The following ZFYVE26 variants were observed in gnomAD, a reference collection of about 807,000 sequenced individuals.
ZFYVE26 encodes zinc finger FYVE-type containing 26.
Under a neutral mutation model 276.5 loss-of-function variants are expected in ZFYVE26, and 181 were observed. The ratio of observed to expected loss-of-function variants is 0.65; its 90% CI spans 0.58 to 0.74. ZFYVE26 has a LOEUF of 0.74. ZFYVE26 is among the 30% of genes least tolerant of loss of function. The pLI is 0.00. For missense variants in ZFYVE26, 2,821 were observed against 3,097.9 expected (o/e 0.91, Z 2.12); for synonymous variants, 1,129 against 1,203.1 (o/e 0.94, Z 1.27).
intron 5 of ZFYVE26, 45 bp downstream of exon 5, chr14:67,807,353 A>C (rs1566897797): frequency 6.2e-7 from 1 of 1,611,768 alleles, no homozygotes; most frequent in Non-Finnish European, 8.5e-7. Flanking sequence ...GGCTGGGCAT[A>C]CTGGAATTAC....
In ZFYVE26 at chr14:67,792,913, C is replaced by CAAAAAAA. The variant is rs34041446; in HGVS notation, c.2553+688_2553+694dup. 2.5e-4 allele frequency among the ~76,000 whole-genome samples: 14 copies of CAAAAAAA among 56,762 alleles called. 1 individual carries two copies. The highest frequency in any genetic ancestry group is 1.6e-3 in the South Asian group (2 of 1,262). The allele number at this position is 56,762 out of a possible 152,430, so 37.2% of individuals were successfully genotyped here. A position where few individuals can be genotyped will look rare whatever the true frequency, so the allele number is the denominator to read the frequency against. ...CTGGGTGACAAAAGCAAATCTGTCT[C>CAAAAAAA]AAAAAAAAAAAAAAAAAAAAAGAAA... On this transcript the variant is annotated intron_variant, in intron 14 of 41. Coordinates refer to ENST00000347230, the MANE Select transcript of ZFYVE26 (RefSeq NM_015346.4).
At position 67,802,404 on chromosome 14, in the gene ZFYVE26, C is replaced by T. The variant is rs563747995; in HGVS notation, c.1436-122G>A. The T allele has an allele frequency of 1.3e-5, 13 of 980,814 alleles. No homozygotes were observed. In the African/African-American group the frequency reaches 1.4e-4, roughly 11 times the overall value. 60.8% of individuals were successfully genotyped at this position (980,814 alleles called of 1,614,324 possible). ...CCACTTGTAGGTTCTTACCCTCTCTCCTTTCTGTCGGTCTGATCTGTGTCA... is the reference window on the plus strand; with the variant it reads ...CCACTTGTAGGTTCTTACCCTCTCTTCTTTCTGTCGGTCTGATCTGTGTCA... On this transcript the variant is annotated intron_variant, in intron 9 of 41. Transcript: ENST00000347230.
downstream of ZFYVE26, among the ~76,000 whole-genome samples, chr14:67,746,139 A>G (rs1178243760): frequency 6.6e-6 from 1 of 152,078 alleles, no homozygotes; most frequent in Non-Finnish European, 1.5e-5. Flanking sequence ...TTCACAGTGG[A>G]ACACTTTAGT....
chr14:67,781,283 A>G, intron 22 of ZFYVE26, 50 bp downstream of exon 22: 1 of 1,601,188 alleles, frequency 6.2e-7, no homozygotes, highest in Non-Finnish European at 8.5e-7. Context: ...GTTGGGGTTG[A>G]TCATAGAGTG....
rs776617186 is a variant in ZFYVE26 at position 67,790,783 on chromosome 14, G to C, written c.2554-10C>G. On this transcript the variant is annotated splice_polypyrimidine_tract_variant and intron_variant, in intron 14 of 41. Coordinates refer to ENST00000347230, the MANE Select transcript of ZFYVE26 (RefSeq NM_015346.4). Reference sequence around the variant, plus strand: ...TGAACGTGAACAGCACCTGTCATAGGAGAGGGAGTGTGTGGGCCCTGGTGG... The same window carrying C: ...TGAACGTGAACAGCACCTGTCATAGCAGAGGGAGTGTGTGGGCCCTGGTGG... The C allele has an allele frequency of 1.2e-6, 2 of 1,613,484 alleles. No homozygotes were observed. The highest frequency in any genetic ancestry group is 1.7e-6 in the Non-Finnish European group (2 of 1,179,570).
At chr14:67,802,651 G>A (rs538836465) in intron 9 of ZFYVE26, among the ~76,000 whole-genome samples, 1 of 151,980 alleles carries the variant, frequency 6.6e-6, no homozygotes, top group East Asian at 1.9e-4. Flanking sequence ...TTGCCTTTTT[G>A]AAGTGTGCCC....
chr14:67,804,034 T>G, intron 9 of ZFYVE26, 67 bp downstream of exon 9: 1 of 1,597,846 alleles, frequency 6.3e-7, no homozygotes, highest in Non-Finnish European at 8.6e-7. Context: ...ATAAATCTCA[T>G]GCTGGAAGAA....
chr14:67,785,085 A>T lies in ZFYVE26; in HGVS notation c.3497T>A (p.Leu1166His). The change falls in exon 19 of 42, where the codon CTC becomes CAC. Residue 1166 changes from leucine to histidine, a missense_variant. Transcript: ENST00000347230. ...AGGCTCAGAGCTCAAACTTTGAAGG[A>T]GAACTGCAGCAAGGGTGCTGCAGTA... The part of the protein sequence containing the change: ...FSYCSTLAAV[L>H]LQSLSSEPDH... 1.9e-6 allele frequency: 3 copies of T among 1,614,232 alleles called. No homozygotes were observed. The highest frequency in any genetic ancestry group is 2.5e-6 in the Non-Finnish European group (3 of 1,180,040).
At chr14:67,776,195 C>T in intron 25 of ZFYVE26, 89 bp from the exon 26 acceptor site, 2 of 1,581,746 alleles carry the variant, frequency 1.3e-6, no homozygotes, top group Non-Finnish European at 1.7e-6. Context: ...GGGAAGGGTG[C>T]ATGAGAACAA....
chr14:67,793,809 G>T, intron 13 of ZFYVE26, 50 bp from the exon 14 acceptor site: 3 of 1,611,636 alleles, frequency 1.9e-6, no homozygotes, highest in Non-Finnish European at 1.7e-6. Flanking sequence ...AGGAATTAAG[G>T]AAATGCTATA....
chr14:67,793,470 T>A, intron 14 of ZFYVE26, 138 bp downstream of exon 14: 1 of 962,350 alleles, frequency 1.0e-6, no homozygotes, highest in South Asian at 1.4e-5. Flanking sequence ...CCTGGGCACA[T>A]GGAAACCCCC....
intron 34 of ZFYVE26, 35 bp downstream of exon 34, chr14:67,762,168 C>T (rs1335939553): frequency 1.9e-6 from 3 of 1,607,722 alleles, no homozygotes; most frequent in Non-Finnish European, 2.6e-6. Flanking sequence ...GGGTCTCCCT[C>T]CCTGAGCCAG....
chr14:67,753,740 T>A lies in ZFYVE26; in HGVS notation c.7155A>T (p.Glu2385Asp). The A allele has an allele frequency of 6.2e-7, 1 of 1,613,686 alleles. No homozygotes were observed. Among genetic ancestry groups the A allele is most frequent in the Non-Finnish European group, 8.5e-7 (1 of 1,179,862 alleles). ...CACGGAAAGCAATTCCAAAACCATC[T>A]TCTACATTTTTCCCTCCCAGCATGA... ...CKVMLGGKNV[E>D]DGFGIAFRVL... Residue 2385 changes from glutamate (E) to aspartate (D), a missense_variant, in exon 39 of 42, where the codon GAA (glutamate) becomes GAT (aspartate). By Grantham distance (45) the Glu-to-Asp change is conservative. Transcript: ENST00000347230.
chr14:67,815,386 G>T, intron 2 of ZFYVE26: 1 of 267,864 alleles, frequency 3.7e-6, no homozygotes, highest in East Asian at 8.6e-5. Flanking sequence ...CAATTATTTC[G>T]AAATAAAAAG....
intron 29 of ZFYVE26, among the ~76,000 whole-genome samples, chr14:67,768,990 CT>C (rs1768188698): frequency 1.3e-5 from 2 of 152,160 alleles, no homozygotes; most frequent in Non-Finnish European, 2.9e-5. Flanking sequence ...TTCCTAGATG[CT>C]CTAGGAGTCT....
chr14:67,739,132 G>A (rs534358056), intron 13 of ZFYVE26, among the ~76,000 whole-genome samples: 1 of 152,242 alleles, frequency 6.6e-6, no homozygotes, highest in Non-Finnish European at 1.5e-5. Context: ...GAGCCTCTTT[G>A]GTAGCTTCTA....
rs1181510895 is a variant in ZFYVE26 at position 67,807,697 on chromosome 14, A to G, written c.587T>C (p.Leu196Pro). ...HWPLQNALVD[L>P]IRKALRALQG... is the part of the protein sequence containing the mutation. The stretch of plus-strand genomic sequence containing the variant: ...CAAAGCCCGCAATGCCTTTCGAATG[A>G]GGTCCACCAGTGCATTCTGCAGAGG... The change falls in exon 5 of 42, where the codon CTC becomes CCC. Residue 196 changes from leucine to proline, a missense_variant. Transcript: ENST00000347230. 5.6e-6 allele frequency: 9 copies of G among 1,614,056 alleles called. No homozygotes were observed. Among genetic ancestry groups the G allele is most frequent in the Non-Finnish European group, 6.8e-6 (8 of 1,180,040 alleles).
chr14:67,799,804 T>G (rs2040042338), intron 10 of ZFYVE26, among the ~76,000 whole-genome samples: 1 of 152,212 alleles, frequency 6.6e-6, no homozygotes, highest in Non-Finnish European at 1.5e-5. Context: ...CTTGACATTG[T>G]GTGAGGTCTC....
intron 35 of ZFYVE26, 38 bp from the exon 36 acceptor site, chr14:67,756,183 C>A: frequency 6.2e-7 from 1 of 1,608,800 alleles, no homozygotes; most frequent in Non-Finnish European, 8.5e-7. Context: ...AAGTCTTGAG[C>A]CTGGTTCTGG....
Sources: gnomAD v4.1 joint callset for allele counts (sites outside exome capture counted in the v4.1 genomes callset) on GRCh38, gnomAD v4.1.1 for gene constraint, MANE v1.5 for transcripts, NCBI Gene and HGNC (gene_info 2026-07-23, HGNC 2026-07-21) for gene names.